SDHA: variants seen among roughly 807,000 people sequenced by gnomAD.
SDHA encodes the protein succinate dehydrogenase [ubiquinone] flavoprotein subunit, mitochondrial.
SDHA carries 48 observed loss-of-function variants against 78.4 expected under a neutral mutation model. The observed-to-expected ratio is 0.61, with a 90% CI of 0.49 to 0.78. The LOEUF (loss-of-function observed/expected upper bound fraction) is 0.78, where lower values mean the gene tolerates loss of function less well. SDHA is among the 30% of genes least tolerant of loss of function. SDHA has a pLI of 0.00. For synonymous variants in SDHA, 326 were observed against 353.9 expected (o/e 0.92, Z 0.88); for missense variants, 680 against 892.7 (o/e 0.76, Z 3.04).
intron 10 of SDHA, among the ~76,000 whole-genome samples, chr5:239,220 G>A (rs1419066576): frequency 2.2e-5 from 3 of 135,996 alleles, no homozygotes; most frequent in African/African-American, 3.5e-5. Flanking sequence ...TATATATAAC[G>A]TTATAAAAAA....
chr5:227,187 T>C (rs1735083417), intron 5 of SDHA, among the ~76,000 whole-genome samples: 1 of 152,006 alleles, frequency 6.6e-6, no homozygotes. Context: ...ATTTTTTGTA[T>C]TTTAGTAGAG....
intron 1 of SDHA, among the ~76,000 whole-genome samples, chr5:220,650 G>A (rs956656476): frequency 2.0e-5 from 3 of 151,970 alleles, no homozygotes; most frequent in Non-Finnish European, 2.9e-5. Flanking sequence ...TTTAGATAGG[G>A]GGGCAAGTCC....
chr5:230,630 T>TAAAA (rs1560991999), intron 6 of SDHA, among the ~76,000 whole-genome samples: 3 of 137,314 alleles, frequency 2.2e-5, no homozygotes, highest in Non-Finnish European at 4.5e-5. Context: ...TATCTCAAAA[T>TAAAA]AAATAAATAA....
chr5:218,481 C>T lies in SDHA; in HGVS notation c.63+63C>T, dbSNP rs564870315. 164 of 1,242,354 alleles carry T rather than the reference C, an allele frequency of 1.3e-4. No individual in the cohort carries two copies. In the East Asian group the frequency reaches 4.3e-3, roughly 33 times the overall value. 77.0% of individuals were successfully genotyped at this position (1,242,354 alleles called of 1,614,324 possible). A position where few individuals can be genotyped will look rare whatever the true frequency, so the allele number is the denominator to read the frequency against. On this transcript the variant is annotated intron_variant, in intron 1 of 14. Coordinates refer to ENST00000264932, the MANE Select transcript of SDHA (RefSeq NM_004168.4). ...GGCCGAGGCGGCGGTAGGAGCGGGACGGTCCCCAGCGGGTCCGAGCGGAGC... is the reference window on the plus strand; with the variant it reads ...GGCCGAGGCGGCGGTAGGAGCGGGATGGTCCCCAGCGGGTCCGAGCGGAGC...
At chr5:247,289 A>G (rs1371990903) in intron 11 of SDHA, among the ~76,000 whole-genome samples, 1 of 152,242 alleles carries the variant, frequency 6.6e-6, no homozygotes, top group African/African-American at 2.4e-5. Context: ...ATACAGATGA[A>G]CAACTGATGA....
chr5:250,294 CAAG>C (rs1736728625), intron 11 of SDHA: 1 of 155,028 alleles, frequency 6.5e-6, no homozygotes, highest in African/African-American at 2.4e-5. Context: ...GAGGGAGAAG[CAAG>C]GAGGAGGAGG....
At chr5:248,356 C>T (rs1736603013) in intron 11 of SDHA, among the ~76,000 whole-genome samples, 2 of 152,206 alleles carry the variant, frequency 1.3e-5, no homozygotes, top group African/African-American at 4.8e-5. Context: ...GAAGCTGTCA[C>T]AGATGGCAGA....
At chr5:262,487 C>T in the SDHA span, among the ~76,000 whole-genome samples, 3 of 152,236 alleles carry the variant, frequency 2.0e-5, no homozygotes, top group Non-Finnish European at 4.4e-5. Flanking sequence ...GGAGTGGAAC[C>T]CTGTTGTGAA....
At chr5:235,089 A>G (rs1735678095) in intron 8 of SDHA, 55 bp from the exon 9 acceptor site, 4 of 1,536,062 alleles carry the variant, frequency 2.6e-6, no homozygotes, top group Non-Finnish European at 2.7e-6. Context: ...ACGTATTCTC[A>G]GGTCTCCTGC....
chr5:237,430 A>G (rs1203546342), intron 10 of SDHA, among the ~76,000 whole-genome samples: 1 of 133,444 alleles, frequency 7.5e-6, no homozygotes, highest in Non-Finnish European at 1.5e-5. Flanking sequence ...TTTTCTTTTC[A>G]TGATAGCATC....
chr5:263,439 T>C, the SDHA span, among the ~76,000 whole-genome samples: 1 of 152,152 alleles, frequency 6.6e-6, no homozygotes, highest in Non-Finnish European at 1.5e-5. Flanking sequence ...CACTATGCTG[T>C]GTAAGAGAAG....
chr5:250,456 G>A (rs1320477247), intron 11 of SDHA: 1 of 206,860 alleles, frequency 4.8e-6, no homozygotes, highest in Admixed American at 5.3e-5. Flanking sequence ...GCTTCTACAA[G>A]ATAGGCAGAA....
chr5:244,792 G>T (rs1216539932), intron 11 of SDHA, among the ~76,000 whole-genome samples: 1 of 152,132 alleles, frequency 6.6e-6, no homozygotes. Context: ...GATAACTTCT[G>T]TACCTATAAA....
Position 225,522 on chromosome 5 carries a change from T to C in SDHA, c.416T>C (p.Ile139Thr). Reference protein sequence around the residue: ...GSDWLGDQDAIHYMTEQAPAA... With the variant: ...GSDWLGDQDATHYMTEQAPAA... ...GACTGGCTGGGGGACCAGGATGCCA[T>C]CCACTACATGACGGAGCAGGCCCCC... The change falls in exon 4 of 15, where the codon ATC (isoleucine) becomes ACC (threonine). Residue 139 changes from isoleucine (I) to threonine (T), a missense_variant. Transcript: ENST00000264932. 1 of 1,613,832 alleles carries C rather than the reference T, an allele frequency of 6.2e-7. No homozygotes were observed. Among genetic ancestry groups the C allele is most frequent in the East Asian group, 2.2e-5 (1 of 44,870 alleles).
chr5:232,696 G>A (rs191802825), intron 7 of SDHA, among the ~76,000 whole-genome samples: 1 of 151,682 alleles, frequency 6.6e-6, no homozygotes, highest in Admixed American at 6.5e-5. Context: ...AATCACATTC[G>A]TTTTTTAAAA....
At chr5:266,881 C>G in the SDHA span, among the ~76,000 whole-genome samples, 496 of 100,292 alleles carry the variant, frequency 4.9e-3, 12 homozygotes, top group African/African-American at 0.012. Context: ...GCCGCTGTGT[C>G]TAAAATATTC....
At chr5:220,685 C>T (rs939262006) in intron 1 of SDHA, among the ~76,000 whole-genome samples, 13 of 144,744 alleles carry the variant, frequency 9.0e-5, no homozygotes, top group Admixed American at 3.4e-4. Flanking sequence ...GGCCGGCCGA[C>T]TTGAATCCTC....
At chr5:254,602 G>A in intron 14 of SDHA, 96 bp downstream of exon 14, 13 of 1,468,606 alleles carry the variant, frequency 8.9e-6, no homozygotes, top group Non-Finnish European at 1.1e-5. Context: ...GGGAAGAGCA[G>A]GCCAGATTTA....
At chr5:228,722 A>G (rs1367703156) in intron 6 of SDHA, among the ~76,000 whole-genome samples, 1 of 152,222 alleles carries the variant, frequency 6.6e-6, no homozygotes, top group Non-Finnish European at 1.5e-5. Context: ...TCTCCACATG[A>G]TGAAAATAAG....
Sources: allele counts gnomAD v4.1 joint callset (sites outside exome capture counted in the v4.1 genomes callset), GRCh38; gene constraint gnomAD v4.1.1; transcripts MANE v1.5; gene names NCBI Gene and HGNC (gene_info 2026-07-23, HGNC 2026-07-21).